LCLAT1: variants seen among roughly 807,000 people sequenced by gnomAD.
LCLAT1 encodes 1-AGP acyltransferase 8.
A neutral mutation model predicts 30.7 loss-of-function variants in LCLAT1; 11 were observed. That is an observed-to-expected ratio of 0.36 (90% confidence interval 0.23 to 0.59). The LOEUF (loss-of-function observed/expected upper bound fraction) is 0.59, where lower values mean the gene tolerates loss of function less well. LCLAT1 is among the 20% of genes least tolerant of loss of function. LCLAT1 has a pLI of 0.77. For missense variants in LCLAT1, 402 were observed against 458.6 expected, an observed-to-expected ratio of 0.88 and a Z score of 1.13; for synonymous variants, 155 against 151.3, an observed-to-expected ratio of 1.02 and a Z score of -0.18.
Position 30,524,906 on chromosome 2 carries a change from G to A in LCLAT1, c.-4-681G>A, listed in dbSNP as rs567381372. 1.1e-4 allele frequency among the ~76,000 whole-genome samples: 16 copies of A among 152,142 alleles called. No individual in the cohort carries two copies. In the South Asian group the frequency reaches 2.5e-3, roughly 24 times the overall value. Reference sequence around the variant, plus strand: ...TTGGAATGGATCCAAAGTGGGGACCGTTGTACTCAACTTAGGAAACTCATC... The same window carrying A: ...TTGGAATGGATCCAAAGTGGGGACCATTGTACTCAACTTAGGAAACTCATC... On this transcript the variant is annotated intron_variant, in intron 1 of 5. Coordinates refer to ENST00000379509, the MANE Select transcript of LCLAT1 (RefSeq NM_001002257.3).
chr2:30,631,153 A>G (rs548823068), intron 5 of LCLAT1, among the ~76,000 whole-genome samples: 12 of 152,344 alleles, frequency 7.9e-5, no homozygotes, highest in Non-Finnish European at 1.8e-4. Context: ...GCACCCAGCC[A>G]TCTGAGCTAG....
chr2:30,563,977 C>T (rs1250622181), intron 4 of LCLAT1, among the ~76,000 whole-genome samples: 1 of 152,088 alleles, frequency 6.6e-6, no homozygotes, highest in African/African-American at 2.4e-5. Context: ...TGTATGCCAA[C>T]TGTGTAGTAT....
rs1037189380 is a variant in LCLAT1, at chr2:30,450,032, C to G, written c.-5+2649C>G. On this transcript the variant is annotated intron_variant, in intron 1 of 5. Transcript: ENST00000379509. ...TTTCATTGAACCTTTATGGAATAGC[C>G]CTGCCAAGTCTTTAGGATGTAAACA... Among the ~76,000 whole-genome samples the G allele has an allele frequency of 2.0e-5, 3 of 152,134 alleles. No homozygotes were observed. The South Asian group carries it at 6.2e-4, about 32-fold the overall frequency.
chr2:30,616,838 C>CA (rs886423744), intron 5 of LCLAT1, among the ~76,000 whole-genome samples: 127 of 141,922 alleles, frequency 8.9e-4, no homozygotes, highest in East Asian at 4.8e-3. Context: ...ATGCTAATAC[C>CA]AAAAAAAAAA....
chr2:30,584,776 C>T (rs1465685670), intron 5 of LCLAT1, among the ~76,000 whole-genome samples: 1 of 152,072 alleles, frequency 6.6e-6, no homozygotes, highest in Non-Finnish European at 1.5e-5. Flanking sequence ...TGGCTATATT[C>T]TAGACTAATA....
intron 1 of LCLAT1, among the ~76,000 whole-genome samples, chr2:30,473,951 G>T (rs1419293568): frequency 6.6e-6 from 1 of 152,098 alleles, no homozygotes; most frequent in Non-Finnish European, 1.5e-5. Context: ...TTCACTGTTT[G>T]GATTGTTTTT....
At chr2:30,504,345 T>C (rs1418231652) in intron 1 of LCLAT1, among the ~76,000 whole-genome samples, 4 of 151,962 alleles carry the variant, frequency 2.6e-5, no homozygotes, top group African/African-American at 4.8e-5. Context: ...CTGTGTCTCA[T>C]GAAGGGAAAA....
chr2:30,498,664 C>A (rs916420457), intron 1 of LCLAT1, among the ~76,000 whole-genome samples: 1 of 152,160 alleles, frequency 6.6e-6, no homozygotes, highest in Non-Finnish European at 1.5e-5. Flanking sequence ...CTCTCATGGG[C>A]ATGTTTGAAT....
chr2:30,554,294 T>G (rs1473034513), intron 3 of LCLAT1, among the ~76,000 whole-genome samples: 1 of 152,190 alleles, frequency 6.6e-6, no homozygotes, highest in Non-Finnish European at 1.5e-5. Flanking sequence ...CTCTGCAGGA[T>G]TAGTAAACAT....
At chr2:30,541,022 T>C (rs1302269816) in intron 3 of LCLAT1, among the ~76,000 whole-genome samples, 2 of 152,218 alleles carry the variant, frequency 1.3e-5, no homozygotes, top group East Asian at 3.8e-4. Flanking sequence ...TGTTAGTCTT[T>C]ATCCTTTTGG....
At chr2:30,522,043 T>C (rs1039673715) in intron 1 of LCLAT1, among the ~76,000 whole-genome samples, 2 of 152,244 alleles carry the variant, frequency 1.3e-5, no homozygotes, top group African/African-American at 4.8e-5. Flanking sequence ...TTTGTCGTTA[T>C]TCTGAGTAGT....
chr2:30,480,030 A>C (rs1683246908), intron 1 of LCLAT1, among the ~76,000 whole-genome samples: 1 of 152,200 alleles, frequency 6.6e-6, no homozygotes, highest in African/African-American at 2.4e-5. Flanking sequence ...TCATTACATC[A>C]TAGAGATAAA....
intron 1 of LCLAT1, among the ~76,000 whole-genome samples, chr2:30,519,429 G>T (rs1685362250): frequency 6.6e-6 from 1 of 152,154 alleles, no homozygotes. Flanking sequence ...CCCCAGTTCA[G>T]CAGGAAGCAG....
chr2:30,499,888 A>G (rs1407794753), intron 1 of LCLAT1, among the ~76,000 whole-genome samples: 2 of 152,204 alleles, frequency 1.3e-5, no homozygotes, highest in African/African-American at 4.8e-5. Flanking sequence ...GCTACATGAA[A>G]CACTTTAAGA....
chr2:30,480,611 G>C (rs887833317), intron 1 of LCLAT1, among the ~76,000 whole-genome samples: 1 of 152,024 alleles, frequency 6.6e-6, no homozygotes, highest in African/African-American at 2.4e-5. Context: ...TTTCATGCAG[G>C]GTATGATGCT....
intron 5 of LCLAT1, among the ~76,000 whole-genome samples, chr2:30,570,546 A>G (rs892870223): frequency 3.3e-5 from 5 of 152,214 alleles, no homozygotes; most frequent in African/African-American, 1.2e-4. Flanking sequence ...GCAGAAATTG[A>G]GGTAAAGAAC....
At chr2:30,585,205 C>T (rs1572658470) in intron 5 of LCLAT1, among the ~76,000 whole-genome samples, 1 of 152,082 alleles carries the variant, frequency 6.6e-6, no homozygotes, top group Non-Finnish European at 1.5e-5. Flanking sequence ...AAGCGCTGTT[C>T]ATTTTCTCAT....
At chr2:30,569,244 C>T (rs556288116) in intron 5 of LCLAT1, among the ~76,000 whole-genome samples, 1 of 152,136 alleles carries the variant, frequency 6.6e-6, no homozygotes, top group African/African-American at 2.4e-5. Context: ...TTGATGATAT[C>T]GCACCCATTT....
intron 5 of LCLAT1, among the ~76,000 whole-genome samples, chr2:30,634,068 G>A (rs1490403873): frequency 6.6e-6 from 1 of 152,156 alleles, no homozygotes; most frequent in Non-Finnish European, 1.5e-5. Context: ...GTAAGCTTCT[G>A]TAACTTAAAC....
Sources: allele counts gnomAD v4.1 joint callset (sites outside exome capture counted in the v4.1 genomes callset), GRCh38; gene constraint gnomAD v4.1.1; transcripts MANE v1.5; gene names NCBI Gene and HGNC (gene_info 2026-07-23, HGNC 2026-07-21).